The following ACAD10 variants were observed in gnomAD, a reference collection of about 807,000 sequenced individuals.
The protein encoded by ACAD10 is ACAD-10.
A neutral mutation model predicts 116.8 loss-of-function variants in ACAD10; 112 were observed. That is an observed-to-expected ratio of 0.96 (90% CI 0.82 to 1.12). The LOEUF (loss-of-function observed/expected upper bound fraction) is 1.12, where lower values mean the gene tolerates loss of function less well. Among genes scored for constraint, ACAD10 ranks in the 50% most tolerant of loss-of-function variants. The pLI is 0.00. For synonymous variants in ACAD10, 486 were observed against 510.6 expected, an observed-to-expected ratio of 0.95 and a Z score of 0.65; for missense variants, 1,259 against 1,350.2, an observed-to-expected ratio of 0.93 and a Z score of 1.06.
intron 4 of ACAD10, among the ~76,000 whole-genome samples, chr12:111,706,270 C>A (rs1178080130): frequency 1.3e-5 from 2 of 152,104 alleles, no homozygotes; most frequent in Non-Finnish European, 2.9e-5. Flanking sequence ...ATGTTGCCTT[C>A]TATTTCTGTG....
intron 1 of ACAD10, among the ~76,000 whole-genome samples, chr12:111,689,521 G>A (rs1357021595): frequency 2.0e-5 from 3 of 151,792 alleles, no homozygotes; most frequent in Admixed American, 1.3e-4. Flanking sequence ...ACAGGTGTGC[G>A]CCACCACGCC....
At chr12:111,722,906 C>G (rs1445240883) in intron 8 of ACAD10, among the ~76,000 whole-genome samples, 1 of 152,084 alleles carries the variant, frequency 6.6e-6, no homozygotes, top group African/African-American at 2.4e-5. Flanking sequence ...TTGGGCACAC[C>G]TCCCAGACGG....
chr12:111,749,127 A>G (rs1191822041), intron 17 of ACAD10, 46 bp from the exon 18 acceptor site: 7 of 1,613,724 alleles, frequency 4.3e-6, no homozygotes, highest in Admixed American at 3.3e-5. Flanking sequence ...ACATCCAAGG[A>G]AAATGACTAT....
chr12:111,700,533 G>A (rs1457831420), intron 2 of ACAD10, among the ~76,000 whole-genome samples: 1 of 152,114 alleles, frequency 6.6e-6, no homozygotes, highest in Non-Finnish European at 1.5e-5. Context: ...CCCGTCAACA[G>A]CATATGATGG....
At chr12:111,723,297 G>T (rs1280915728) in intron 8 of ACAD10, among the ~76,000 whole-genome samples, 1 of 136,732 alleles carries the variant, frequency 7.3e-6, no homozygotes, top group South Asian at 2.3e-4. Context: ...CCTCCCAGAC[G>T]GGGCGGCTGG....
chr12:111,747,999 C>T (rs1889963427), intron 16 of ACAD10, among the ~76,000 whole-genome samples: 2 of 152,164 alleles, frequency 1.3e-5, no homozygotes, highest in South Asian at 4.1e-4. Context: ...GTTATGTGTG[C>T]ACCACCTGTG....
At position 111,756,551 on chromosome 12, in the gene ACAD10, TC is replaced by T; in HGVS notation, c.*80del. The stretch of plus-strand genomic sequence containing the variant: ...TCTGTCACTGATGTGCCTCGAAAGA[TC>T]CGGTGTTTGTGGCTCCTGCACCCTG... On this transcript the variant is annotated 3_prime_UTR_variant, in exon 21 of 21. Coordinates refer to ENST00000313698, the MANE Select transcript of ACAD10 (RefSeq NM_025247.6). The T allele has an allele frequency of 6.4e-7, 1 of 1,571,624 alleles. No homozygotes were observed. The highest frequency in any genetic ancestry group is 1.3e-5 in the African/African-American group (1 of 74,320).
At chr12:111,707,420 T>C (rs1888544464) in intron 4 of ACAD10, among the ~76,000 whole-genome samples, 1 of 152,184 alleles carries the variant, frequency 6.6e-6, no homozygotes, top group Non-Finnish European at 1.5e-5. Flanking sequence ...TAAAAATGTT[T>C]GTTTTTGTCT....
At chr12:111,699,546 G>A (rs1331762311) in intron 2 of ACAD10, among the ~76,000 whole-genome samples, 3 of 152,030 alleles carry the variant, frequency 2.0e-5, no homozygotes, top group Non-Finnish European at 2.9e-5. Context: ...TTTTGACTCA[G>A]TATGATATTT....
intron 6 of ACAD10, among the ~76,000 whole-genome samples, chr12:111,715,163 A>G (rs1490634365): frequency 1.3e-5 from 2 of 152,276 alleles, no homozygotes; most frequent in African/African-American, 4.8e-5. Flanking sequence ...CTGGCCAGCC[A>G]GAAGAACTCA....
chr12:111,712,629 C>T lies in ACAD10; in HGVS notation c.822C>T (p.Leu274=). The change falls in exon 6 of 21, where the codon CTC becomes CTT. Residue 274 remains leucine (L), a synonymous_variant. Transcript: ENST00000313698. ...EIPKDSLQKY[L]KDLLGIQTTG... ...CGAAAGATTCCTTGCAGAAGTACCTCAAAGACTTACTGGGTATCCAGACCA... is the reference window on the plus strand; with the variant it reads ...CGAAAGATTCCTTGCAGAAGTACCTTAAAGACTTACTGGGTATCCAGACCA... 1 of 1,614,120 alleles carries T rather than the reference C, an allele frequency of 6.2e-7. No homozygotes were observed. The highest frequency in any genetic ancestry group is 1.1e-5 in the South Asian group (1 of 91,086).
chr12:111,701,745 AAGAATTACTATAGCCTAT>A (rs1304246893), intron 2 of ACAD10, among the ~76,000 whole-genome samples: 1 of 152,200 alleles, frequency 6.6e-6, no homozygotes, highest in Non-Finnish European at 1.5e-5. Flanking sequence ...CCATGCTGTG[AAGAATTACTATAGCCTAT>A]AGAAGGAAGG....
At chr12:111,752,107 C>T (rs933884960) in intron 18 of ACAD10, among the ~76,000 whole-genome samples, 30 of 150,230 alleles carry the variant, frequency 2.0e-4, no homozygotes, top group Non-Finnish European at 3.3e-4. Flanking sequence ...CATTTATAGT[C>T]CTAGCTACTC....
chr12:111,750,897 C>T lies in ACAD10; in HGVS notation c.2817+1552C>T, dbSNP rs561733415. Among the ~76,000 whole-genome samples, 6 of 152,300 alleles carry T rather than the reference C, an allele frequency of 3.9e-5. No individual in the cohort carries two copies. The East Asian group carries it at 7.7e-4, about 20-fold the overall frequency. On this transcript the variant is annotated intron_variant, in intron 18 of 20. Transcript: ENST00000313698. ...GCAGTCTGAATTTTTTATTACCGAG[C>T]AAACCTGTGATTTACACCCTTTTGA...
At chr12:111,719,205 AAT>A (rs1256769998) in intron 7 of ACAD10, among the ~76,000 whole-genome samples, 3 of 152,108 alleles carry the variant, frequency 2.0e-5, no homozygotes, top group Non-Finnish European at 4.4e-5. Context: ...TATGTGAATG[AAT>A]TCTAGTTTAA....
Position 111,727,954 on chromosome 12 carries a change from C to A in ACAD10, c.1062-8C>A. Reference sequence around the variant, plus strand: ...TGATCCCTGAAACCCCTTCTGTGTTCCTCCCAGTGTCATTGGCACCCCCTT... The same window carrying A: ...TGATCCCTGAAACCCCTTCTGTGTTACTCCCAGTGTCATTGGCACCCCCTT... On this transcript the variant is annotated splice_region_variant and splice_polypyrimidine_tract_variant and intron_variant, in intron 8 of 20. Coordinates refer to ENST00000313698, the MANE Select transcript of ACAD10 (RefSeq NM_025247.6). The A allele has an allele frequency of 1.9e-6, 3 of 1,603,438 alleles. No homozygotes were observed. Among genetic ancestry groups the A allele is most frequent in the Non-Finnish European group, 2.6e-6 (3 of 1,175,538 alleles).
intron 1 of ACAD10, among the ~76,000 whole-genome samples, chr12:111,687,170 A>G (rs1171453663): frequency 6.6e-6 from 1 of 152,050 alleles, no homozygotes; most frequent in East Asian, 1.9e-4. Flanking sequence ...AGTACATTCT[A>G]GATGTGTGTG....
In ACAD10 at chr12:111,747,683, G is replaced by A. The variant is rs1448871264; in HGVS notation, c.2485+298G>A. 5.0e-6 allele frequency: 6 copies of A among 1,189,190 alleles called. No individual in the cohort carries two copies. The East Asian group carries it at 2.8e-4, about 56-fold the overall frequency. The allele number at this position is 1,189,190 out of a possible 1,614,324, so 73.7% of individuals were successfully genotyped here. A position where few individuals can be genotyped will look rare whatever the true frequency, so the allele number is the denominator to read the frequency against. On this transcript the variant is annotated intron_variant, in intron 16 of 20. Coordinates refer to ENST00000313698, the MANE Select transcript of ACAD10 (RefSeq NM_025247.6). ...CACTTCCTGCTGTTCATTCTGCTTT[G>A]GGCAGCTCCCCTTCCTTGGTGGCTT...
chr12:111,718,300 C>T (rs1007124396), intron 7 of ACAD10, among the ~76,000 whole-genome samples: 1 of 151,964 alleles, frequency 6.6e-6, no homozygotes, highest in African/African-American at 2.4e-5. Flanking sequence ...TCACCTGCCT[C>T]GGCCTCCCAA....
Sources: allele counts gnomAD v4.1 joint callset (sites outside exome capture counted in the v4.1 genomes callset), GRCh38; gene constraint gnomAD v4.1.1; transcripts MANE v1.5; gene names NCBI Gene and HGNC (gene_info 2026-07-23, HGNC 2026-07-21).